Variants in ANXA11 observed in about 807,000 individuals in gnomAD.
The protein encoded by ANXA11 is 56 kDa autoantigen.
ANXA11 carries 57 observed loss-of-function variants against 64.7 expected under a neutral mutation model. The ratio of observed to expected loss-of-function variants is 0.88; its 90% CI spans 0.71 to 1.10. The LOEUF (loss-of-function observed/expected upper bound fraction) is 1.10, where lower values mean the gene tolerates loss of function less well. Ranked by LOEUF, ANXA11 falls within the 50% of genes least tolerant of loss-of-function variation. ANXA11 has a pLI of 0.00. For synonymous variants in ANXA11, 260 were observed against 265.2 expected (o/e 0.98, Z 0.19); for missense variants, 675 against 670.7 (o/e 1.01, Z -0.07).
In ANXA11 at chr10:80,178,998, A is replaced by G. The variant is rs138314747; in HGVS notation, c.-57-2843T>C. On this transcript the variant is annotated intron_variant, in intron 1 of 15. Coordinates refer to ENST00000422982, the MANE Select transcript of ANXA11 (RefSeq NM_145868.2). ...GACACTCTCTAGCTCATCTGATCTC[A>G]CTCTTTGACATGGTTTGGATTTGTG... Among the ~76,000 whole-genome samples, 755 of 151,822 alleles carry G rather than the reference A, an allele frequency of 5.0e-3. 31 individuals carry two copies. The South Asian group carries it at 0.11, about 22-fold the overall frequency.
chr10:80,167,425 T>C (rs967634192), intron 5 of ANXA11, 112 bp from the exon 6 acceptor site: 3 of 871,030 alleles, frequency 3.4e-6, no homozygotes, highest in African/African-American at 1.7e-5. Flanking sequence ...AGTTGGAGTA[T>C]CTAAAGGAGT....
chr10:80,190,575 T>A (rs1426917182), intron 1 of ANXA11, among the ~76,000 whole-genome samples: 1 of 147,054 alleles, frequency 6.8e-6, no homozygotes. Flanking sequence ...AAGCTCCACC[T>A]CCTGAGTTCA....
intron 11 of ANXA11, 93 bp from the exon 12 acceptor site, chr10:80,162,121 T>G (rs542238754): frequency 8.9e-7 from 1 of 1,126,064 alleles, no homozygotes; most frequent in East Asian, 2.5e-5. Context: ...TCTGAAGGTT[T>G]GAGCCTAAAG....
Position 80,164,062 on chromosome 10 carries a change from AGGC to A in ANXA11, c.937_939del (p.Ala313del). 1.2e-6 allele frequency: 2 copies of A among 1,613,974 alleles called. No individual in the cohort carries two copies. The highest frequency in any genetic ancestry group is 1.7e-5 in the Admixed American group (1 of 60,008). On this transcript the variant is annotated inframe_deletion, in exon 9 of 16. Coordinates refer to ENST00000422982, the MANE Select transcript of ANXA11 (RefSeq NM_145868.2). ...GAGGGAGCGGCCTCACCTGCTTTGT[AGGC>A]TCTGTTTAATTCTCGGATGTGCTCA...
intron 3 of ANXA11, 172 bp from the exon 4 acceptor site, chr10:80,171,087 C>T (rs776250091): frequency 4.0e-6 from 6 of 1,515,698 alleles, no homozygotes; most frequent in Middle Eastern, 3.4e-4. Context: ...CTCCCCCTAT[C>T]CCACTGGCAG....
chr10:80,160,339 C>T (rs919617676), intron 12 of ANXA11, among the ~76,000 whole-genome samples: 3 of 152,166 alleles, frequency 2.0e-5, no homozygotes, highest in Non-Finnish European at 4.4e-5. Flanking sequence ...GCTCTGGGGT[C>T]GGGTGGTCTG....
intron 3 of ANXA11, chr10:80,171,999 G>T: frequency 1.2e-6 from 1 of 846,948 alleles, no homozygotes; most frequent in Non-Finnish European, 1.4e-6. Context: ...GGGAGGGAAG[G>T]TAAATGGCCT....
rs1384397192 is a variant in ANXA11 at position 80,163,379 on chromosome 10, C to T, written c.1056G>A (p.Val352=). The change falls in exon 11 of 16, where the codon GTG becomes GTA. Residue 352 remains valine, a synonymous_variant. Coordinates refer to ENST00000422982, the MANE Select transcript of ANXA11 (RefSeq NM_145868.2). ...SQGNRDESTN[V]DMSLAQRDAQ... ...CATCTCTCTGGGCGAGTGACATGTC[C>T]ACGTTTGTGCTTTCATCACGGTTTC... The T allele has an allele frequency of 2.5e-6, 4 of 1,613,734 alleles. No individual in the cohort carries two copies. In the Admixed American group the frequency reaches 6.7e-5, roughly 27 times the overall value.
At chr10:80,203,555 A>G (rs1341469249) in intron 1 of ANXA11, among the ~76,000 whole-genome samples, 1 of 152,184 alleles carries the variant, frequency 6.6e-6, no homozygotes, top group Non-Finnish European at 1.5e-5. Context: ...GAGCACCTAC[A>G]TTAGGCAAGG....
At chr10:80,177,908 G>A (rs916193062) in intron 1 of ANXA11, among the ~76,000 whole-genome samples, 4 of 152,186 alleles carry the variant, frequency 2.6e-5, no homozygotes, top group Admixed American at 2.0e-4. Context: ...GTTCTAGGAG[G>A]CTAGAGGCTG....
intron 1 of ANXA11, among the ~76,000 whole-genome samples, chr10:80,197,168 A>C (rs1840206095): frequency 1.3e-5 from 2 of 152,308 alleles, no homozygotes; most frequent in South Asian, 4.1e-4. Flanking sequence ...GGGGCAGGAC[A>C]ATGACTAGAA....
chr10:80,204,570 C>T (rs1426865060), intron 1 of ANXA11, among the ~76,000 whole-genome samples: 1 of 152,226 alleles, frequency 6.6e-6, no homozygotes, highest in African/African-American at 2.4e-5. Flanking sequence ...CCCGGGCTGA[C>T]TGTTTCCAGC....
chr10:80,172,676 TCC>T, intron 3 of ANXA11, 129 bp downstream of exon 3: 1 of 912,830 alleles, frequency 1.1e-6, no homozygotes, highest in Non-Finnish European at 1.8e-6. Context: ...ACTCCTGTTG[TCC>T]TCTCCTCCCC....
chr10:80,184,698 A>G (rs1432411108), intron 1 of ANXA11, among the ~76,000 whole-genome samples: 2 of 152,212 alleles, frequency 1.3e-5, no homozygotes, highest in Non-Finnish European at 2.9e-5. Flanking sequence ...TAGGAAGAGT[A>G]TGAGCTTGGA....
intron 1 of ANXA11, among the ~76,000 whole-genome samples, chr10:80,193,642 G>A (rs1048890697): frequency 4.6e-5 from 7 of 151,690 alleles, no homozygotes; most frequent in Admixed American, 6.6e-5. Flanking sequence ...CCAGGAGTTC[G>A]AGACCAGCCT....
intron 1 of ANXA11, among the ~76,000 whole-genome samples, chr10:80,203,187 C>T (rs946361152): frequency 1.3e-5 from 2 of 152,156 alleles, no homozygotes; most frequent in Non-Finnish European, 2.9e-5. Flanking sequence ...CCTGCCCACA[C>T]CAGTTTCTTT....
chr10:80,170,928 C>A lies in ANXA11; in HGVS notation c.56-13G>T. ...CAGGGACCACCACCTGAAAGCAACA[C>A]CAAGCCCTTTAGCCCCCTGCCAGTC... is the stretch of plus-strand genomic sequence containing the variant. On this transcript the variant is annotated splice_polypyrimidine_tract_variant and intron_variant, in intron 3 of 15. Transcript: ENST00000422982. 6.3e-7 allele frequency: 1 copy of A among 1,587,132 alleles called. No individual in the cohort carries two copies. Among genetic ancestry groups the A allele is most frequent in the South Asian group, 1.2e-5 (1 of 86,850 alleles).
chr10:80,171,251 A>G (rs955648303), intron 3 of ANXA11: 18 of 1,175,716 alleles, frequency 1.5e-5, no homozygotes, highest in Non-Finnish European at 1.7e-5. Flanking sequence ...AGACAAGGAC[A>G]GACTGTTGTG....
At chr10:80,200,395 C>G (rs1018020006) in intron 1 of ANXA11, among the ~76,000 whole-genome samples, 19 of 152,128 alleles carry the variant, frequency 1.2e-4, no homozygotes, top group Admixed American at 2.0e-4. Context: ...CATGTATTCT[C>G]CTAAAACACA....
Sources: allele counts gnomAD v4.1 joint callset (sites outside exome capture counted in the v4.1 genomes callset), GRCh38; gene constraint gnomAD v4.1.1; transcripts MANE v1.5; gene names NCBI Gene and HGNC (gene_info 2026-07-23, HGNC 2026-07-21).